The following CCDC141 variants were observed in gnomAD, a reference collection of about 807,000 sequenced individuals.
CCDC141 encodes coiled-coil domain containing 141.
Under a neutral mutation model 181.0 loss-of-function variants are expected in CCDC141, and 168 were observed. The ratio of observed to expected loss-of-function variants is 0.93; its 90% confidence interval spans 0.82 to 1.05. The LOEUF (loss-of-function observed/expected upper bound fraction) is 1.05. Ranked by LOEUF, CCDC141 falls within the 50% of genes least tolerant of loss-of-function variation. CCDC141 has a pLI of 0.00. For missense variants in CCDC141, 1,902 were observed against 1,788.5 expected (o/e 1.06, Z -1.14); for synonymous variants, 666 against 642.3 (o/e 1.04, Z -0.56).
At chr2:178,999,025 T>C (rs1388863331) in intron 2 of CCDC141, among the ~76,000 whole-genome samples, 5 of 152,204 alleles carry the variant, frequency 3.3e-5, no homozygotes, top group Non-Finnish European at 5.9e-5. Flanking sequence ...CCAATAGGAA[T>C]GGTGGAGAAA....
intron 2 of CCDC141, among the ~76,000 whole-genome samples, chr2:178,998,224 C>T (rs1000619144): frequency 1.3e-5 from 2 of 151,924 alleles, no homozygotes; most frequent in African/African-American, 4.8e-5. Context: ...AAGAGTGCTC[C>T]TTATCCTCTA....
At chr2:178,953,645 T>A (rs1019264781) in intron 5 of CCDC141, among the ~76,000 whole-genome samples, 4 of 152,238 alleles carry the variant, frequency 2.6e-5, no homozygotes, top group African/African-American at 9.6e-5. Context: ...AACCTTCTCA[T>A]TTATTTCTCA....
Position 178,961,266 on chromosome 2 carries a change from A to G in CCDC141, c.744T>C (p.Val248=). The change falls in exon 5 of 24, where the codon GTT becomes GTC. Residue 248 remains valine (V), a synonymous_variant. Coordinates refer to ENST00000443758, the MANE Select transcript of CCDC141 (RefSeq NM_173648.4). ...LKQQWQELSQ[V]LQICQWDQQE... is the part of the protein sequence containing the mutation. ...GTTGGTCCCACTGACATATCTGCAG[A>G]ACTTGACTCAATTCTTGCCACTGTT... is the stretch of plus-strand genomic sequence containing the variant. 6.4e-7 allele frequency: 1 copy of G among 1,550,482 alleles called. No individual in the cohort carries two copies. Among genetic ancestry groups the G allele is most frequent in the Non-Finnish European group, 8.7e-7 (1 of 1,146,888 alleles).
At chr2:179,011,415 A>G (rs1313594727) in intron 2 of CCDC141, among the ~76,000 whole-genome samples, 16 of 152,180 alleles carry the variant, frequency 1.1e-4, no homozygotes, top group Admixed American at 1.0e-3. Context: ...GTCCAACAGA[A>G]AAATATCACA....
chr2:179,021,947 AT>A (rs1336245364), intron 2 of CCDC141, among the ~76,000 whole-genome samples: 3 of 152,196 alleles, frequency 2.0e-5, no homozygotes, highest in Admixed American at 2.0e-4. Flanking sequence ...AAAAGATAGT[AT>A]TTTAAAACAT....
At chr2:178,897,583 A>G (rs1050942739) in intron 8 of CCDC141, among the ~76,000 whole-genome samples, 2 of 152,246 alleles carry the variant, frequency 1.3e-5, no homozygotes, top group African/African-American at 4.8e-5. Context: ...GATGAGGCAT[A>G]TAAGCTTAAA....
intron 6 of CCDC141, among the ~76,000 whole-genome samples, chr2:178,922,268 C>T (rs1688725934): frequency 6.6e-6 from 1 of 152,100 alleles, no homozygotes; most frequent in Non-Finnish European, 1.5e-5. Flanking sequence ...CTGTTATTAT[C>T]TTCATTTTAC....
chr2:178,975,543 G>T (rs1019893692), intron 3 of CCDC141, among the ~76,000 whole-genome samples: 7 of 152,092 alleles, frequency 4.6e-5, no homozygotes. Context: ...TAAGCAGAAA[G>T]TTAGCTAAGG....
chr2:179,038,262 C>G (rs942918808), intron 2 of CCDC141, among the ~76,000 whole-genome samples: 1 of 152,112 alleles, frequency 6.6e-6, no homozygotes, highest in Non-Finnish European at 1.5e-5. Flanking sequence ...ATAAGTCAGG[C>G]ACAAAAGGAC....
intron 17 of CCDC141, among the ~76,000 whole-genome samples, chr2:178,864,140 C>G (rs1685737902): frequency 6.6e-6 from 1 of 151,920 alleles, no homozygotes; most frequent in African/African-American, 2.4e-5. Flanking sequence ...AAATGTAGAG[C>G]CCAACCATCA....
intron 2 of CCDC141, among the ~76,000 whole-genome samples, chr2:179,031,031 T>C (rs1442085800): frequency 1.3e-5 from 2 of 152,118 alleles, no homozygotes; most frequent in Non-Finnish European, 2.9e-5. Context: ...ACTAGCCACC[T>C]GAAAAATGAC....
At chr2:178,983,358 AG>A (rs1691539089) in intron 2 of CCDC141, among the ~76,000 whole-genome samples, 1 of 152,218 alleles carries the variant, frequency 6.6e-6, no homozygotes. Context: ...AACCACGAAG[AG>A]GGGGAAAAAA....
At chr2:178,973,176 A>C (rs1690974645) in intron 4 of CCDC141, among the ~76,000 whole-genome samples, 1 of 152,176 alleles carries the variant, frequency 6.6e-6, no homozygotes, top group Non-Finnish European at 1.5e-5. Context: ...TATCCCATGG[A>C]ATTAGTTGGT....
chr2:179,047,964 A>G (rs2043554124), intron 1 of CCDC141, among the ~76,000 whole-genome samples: 1 of 152,208 alleles, frequency 6.6e-6, no homozygotes, highest in African/African-American at 2.4e-5. Context: ...CTGTTTTCCA[A>G]CCTTAGTTGT....
At chr2:178,850,943 C>T (rs376170769) in intron 20 of CCDC141, among the ~76,000 whole-genome samples, 8 of 152,222 alleles carry the variant, frequency 5.3e-5, no homozygotes, top group African/African-American at 9.6e-5. Flanking sequence ...TAGTGTCTCG[C>T]GCCTGTAATC....
chr2:178,864,478 C>T (rs566715406), intron 17 of CCDC141, among the ~76,000 whole-genome samples: 4 of 152,302 alleles, frequency 2.6e-5, no homozygotes, highest in East Asian at 1.9e-4. Context: ...GAAGAGTCGA[C>T]GCCTCTCTAG....
At chr2:179,045,870 G>T (rs2043479756) in intron 2 of CCDC141, among the ~76,000 whole-genome samples, 1 of 151,996 alleles carries the variant, frequency 6.6e-6, no homozygotes, top group Non-Finnish European at 1.5e-5. Context: ...AATAACTAGG[G>T]ACTTCTGCCT....
chr2:178,860,816 T>C (rs1325079716), intron 17 of CCDC141, among the ~76,000 whole-genome samples: 1 of 152,038 alleles, frequency 6.6e-6, no homozygotes, highest in Non-Finnish European at 1.5e-5. Context: ...CTGTCTTAAA[T>C]TGTAGGTAGC....
chr2:178,846,660 G>A (rs1044217118), intron 21 of CCDC141, among the ~76,000 whole-genome samples: 2 of 152,166 alleles, frequency 1.3e-5, no homozygotes, highest in African/African-American at 2.4e-5. Context: ...ATCAGCTGGT[G>A]TGGAAAGAAT....
Sources: allele counts gnomAD v4.1 joint callset (sites outside exome capture counted in the v4.1 genomes callset), GRCh38; gene constraint gnomAD v4.1.1; transcripts MANE v1.5; gene names NCBI Gene and HGNC (gene_info 2026-07-23, HGNC 2026-07-21).